MAPT: variants seen among roughly 807,000 people sequenced by gnomAD.
MAPT encodes the protein microtubule associated protein tau.
Under a neutral mutation model 67.9 loss-of-function variants are expected in MAPT, and 34 were observed. That is an observed-to-expected ratio of 0.50 (90% confidence interval 0.38 to 0.67). The LOEUF is 0.67. MAPT is among the 30% of genes least tolerant of loss of function. The pLI is 0.00. For missense variants in MAPT, 881 were observed against 1,115.2 expected, an observed-to-expected ratio of 0.79 and a Z score of 2.99; for synonymous variants, 456 against 464.5, an observed-to-expected ratio of 0.98 and a Z score of 0.23.
intron 8 of MAPT, among the ~76,000 whole-genome samples, chr17:45,992,760 G>T (rs549625454): frequency 1.3e-5 from 2 of 151,980 alleles, no homozygotes; most frequent in Non-Finnish European, 1.5e-5. Flanking sequence ...GCGTGGTGGC[G>T]GGCGCCTGTA....
In MAPT at chr17:46,010,468, C is replaced by A; in HGVS notation, c.2091+66C>A. The A allele has an allele frequency of 1.8e-6, 2 of 1,092,964 alleles. No individual in the cohort carries two copies. The highest frequency in any genetic ancestry group is 2.7e-6 in the Non-Finnish European group (2 of 728,750). 67.7% of individuals were successfully genotyped at this position (1,092,964 alleles called of 1,614,324 possible). On this transcript the variant is annotated intron_variant, in intron 10 of 12. Transcript: ENST00000262410. The surrounding 1 kb of genome is among the most constrained non-coding windows in gnomAD (Gnocchi z 4.7). Reference sequence around the variant, plus strand: ...GAATTATTAGGAAGTGGTGTGAGTGCGTACACTTGCGAGACACTGCATAGA... The same window carrying A: ...GAATTATTAGGAAGTGGTGTGAGTGAGTACACTTGCGAGACACTGCATAGA...
chr17:45,950,169 C>G (rs529574224), intron 1 of MAPT, among the ~76,000 whole-genome samples: 46 of 152,244 alleles, frequency 3.0e-4, no homozygotes, highest in Non-Finnish European at 5.4e-4. Flanking sequence ...TCCTGCCCAC[C>G]TCACAGGTTA....
At chr17:45,946,220 G>A (rs912283269) in intron 1 of MAPT, among the ~76,000 whole-genome samples, 46 of 152,070 alleles carry the variant, frequency 3.0e-4, no homozygotes, top group African/African-American at 1.1e-3. Context: ...GTGACCAGGG[G>A]CATTCGTGGA....
chr17:45,990,777 T>C (rs924991474), intron 7 of MAPT, among the ~76,000 whole-genome samples: 18 of 152,118 alleles, frequency 1.2e-4, no homozygotes, highest in African/African-American at 4.1e-4. Context: ...CCTTGGTTAA[T>C]GTCAGTTTCT....
chr17:45,959,274 T>A (rs989856539), intron 1 of MAPT, among the ~76,000 whole-genome samples: 3 of 152,162 alleles, frequency 2.0e-5, no homozygotes, highest in Non-Finnish European at 2.9e-5. Flanking sequence ...CAATGAATCC[T>A]CATTAACATA....
chr17:45,991,391 G>A (rs1158496140), intron 7 of MAPT, 69 bp from the exon 8 acceptor site: 8 of 1,601,678 alleles, frequency 5.0e-6, no homozygotes, highest in Non-Finnish European at 6.0e-6. Context: ...GAGTGGGGCT[G>A]GTGTTGACTC....
rs2076813058 is a variant in MAPT at position 46,026,541 on chromosome 17, G to C, written c.*2370G>C. On this transcript the variant is annotated 3_prime_UTR_variant, in exon 13 of 13. Coordinates refer to ENST00000262410, the MANE Select transcript of MAPT (RefSeq NM_001377265.1). Reference sequence around the variant, plus strand: ...CAGCTGGGGGGATCTGCAGCTCCCAGAAGCTCCGTGAGCCTCAGCCACCCC... The same window carrying C: ...CAGCTGGGGGGATCTGCAGCTCCCACAAGCTCCGTGAGCCTCAGCCACCCC... The C allele has an allele frequency of 6.6e-6, 1 of 150,614 alleles. No individual in the cohort carries two copies. The highest frequency in any genetic ancestry group is 1.5e-5 in the Non-Finnish European group (1 of 67,056). The allele number at this position is 150,614 out of a possible 1,614,324, so 9.3% of individuals were successfully genotyped here.
chr17:45,941,705 GCCTTCCTT>G (rs1201409768), intron 1 of MAPT, among the ~76,000 whole-genome samples: 21 of 25,610 alleles, frequency 8.2e-4, no homozygotes, highest in Admixed American at 2.3e-3. Flanking sequence ...CTTCCTGCCT[GCCTTCCTT>G]CCTTCCTTCC....
chr17:45,907,789 G>T (rs952039623), intron 1 of MAPT: 26 of 152,250 alleles, frequency 1.7e-4, no homozygotes, highest in African/African-American at 6.3e-4. Context: ...AATAGCAGCA[G>T]TGGATTATTC....
intron 1 of MAPT, among the ~76,000 whole-genome samples, chr17:45,904,396 T>G (rs1057072840): frequency 2.3e-5 from 2 of 85,348 alleles, no homozygotes; most frequent in Non-Finnish European, 4.9e-5. Context: ...TATATATATA[T>G]ACACATATAT....
At chr17:45,993,852 C>G in intron 8 of MAPT, 2 of 1,468,136 alleles carry the variant, frequency 1.4e-6, no homozygotes, top group Non-Finnish European at 1.9e-6. Flanking sequence ...GGGTGCCTGC[C>G]ACGTGAAGGA....
intron 6 of MAPT, among the ~76,000 whole-genome samples, chr17:45,987,839 C>T (rs111796723): frequency 9.1e-4 from 138 of 152,298 alleles, no homozygotes; most frequent in African/African-American, 3.2e-3. Context: ...GGAGAGCTGG[C>T]CTGGGTCTCT....
At chr17:45,914,868 G>A (rs574538281) in intron 1 of MAPT, among the ~76,000 whole-genome samples, 10 of 151,338 alleles carry the variant, frequency 6.6e-5, no homozygotes, top group African/African-American at 9.7e-5. Context: ...CTATAGGCAC[G>A]CATACCACCG....
At position 45,983,450 on chromosome 17, in the gene MAPT, G is replaced by A. The variant is rs2073193498; in HGVS notation, c.871G>A (p.Glu291Lys). 6.2e-7 allele frequency: 1 copy of A among 1,607,390 alleles called. No individual in the cohort carries two copies. Among genetic ancestry groups the A allele is most frequent in the African/African-American group, 1.3e-5 (1 of 74,774 alleles). Residue 291 changes from glutamate to lysine, a missense_variant, in exon 5 of 13, where the codon GAG becomes AAG. Glu to Lys is a moderately conservative substitution (Grantham distance 56). Transcript: ENST00000262410. ...GGGCAAAGAGAGGCCGGGGAGCAAGGAGGAGGTGGATGAAGACCGCGACGT... is the reference window on the plus strand; with the variant it reads ...GGGCAAAGAGAGGCCGGGGAGCAAGAAGGAGGTGGATGAAGACCGCGACGT... ...AGGKERPGSK[E>K]EVDEDRDVDE...
chr17:45,949,128 G>T (rs2068797558), intron 1 of MAPT, among the ~76,000 whole-genome samples: 1 of 152,260 alleles, frequency 6.6e-6, no homozygotes, highest in Non-Finnish European at 1.5e-5. Context: ...TAACTGAAGG[G>T]ATAAGGAGGA....
chr17:45,992,181 C>T (rs1324658954), intron 8 of MAPT, among the ~76,000 whole-genome samples: 1 of 152,132 alleles, frequency 6.6e-6, no homozygotes, highest in African/African-American at 2.4e-5. Context: ...AGAAATCGAG[C>T]CTCTGAGAGT....
At chr17:45,952,017 C>T (rs934355022) in intron 1 of MAPT, among the ~76,000 whole-genome samples, 7 of 152,144 alleles carry the variant, frequency 4.6e-5, no homozygotes, top group East Asian at 1.9e-4. Flanking sequence ...GTCTGTGTAT[C>T]GCTTCTCGGC....
At chr17:45,903,448 G>A (rs1225212402) in intron 1 of MAPT, among the ~76,000 whole-genome samples, 5 of 152,048 alleles carry the variant, frequency 3.3e-5, no homozygotes, top group Non-Finnish European at 4.4e-5. Flanking sequence ...GTCTGGGCGC[G>A]GTGGCTCACG....
At chr17:45,926,943 A>G (rs1275543871) in intron 1 of MAPT, among the ~76,000 whole-genome samples, 1 of 108,066 alleles carries the variant, frequency 9.3e-6, no homozygotes, top group Non-Finnish European at 2.6e-5. Flanking sequence ...ATACACATAT[A>G]TATACATATA....
Sources: gnomAD v4.1 joint callset for allele counts (sites outside exome capture counted in the v4.1 genomes callset) on GRCh38, gnomAD v4.1.1 for gene constraint, Gnocchi (gnomAD v3.1) non-coding constraint, MANE v1.5 for transcripts, NCBI Gene and HGNC (gene_info 2026-07-23, HGNC 2026-07-21) for gene names.